Variants in KCND2 observed in about 807,000 individuals in gnomAD.
KCND2 encodes the protein potassium voltage-gated channel subfamily D member 2.
Under a neutral mutation model 54.4 loss-of-function variants are expected in KCND2, and 16 were observed. The observed-to-expected ratio is 0.29, with a 90% CI of 0.20 to 0.45. KCND2 has a LOEUF of 0.45. Among genes scored for constraint, KCND2 ranks in the 20% least tolerant of loss-of-function variants. The pLI is 1.00. For synonymous variants in KCND2, 317 were observed against 310.7 expected (o/e 1.02, Z -0.21); for missense variants, 486 against 824.2 (o/e 0.59, Z 5.02).
chr7:120,613,462 C>T (rs983615737), intron 1 of KCND2, among the ~76,000 whole-genome samples: 6 of 152,054 alleles, frequency 3.9e-5, no homozygotes, highest in South Asian at 2.1e-4. Context: ...ACCCAAGAGG[C>T]GGGGGTTGCT....
At chr7:120,526,843 G>A (rs1038751050) in intron 1 of KCND2, among the ~76,000 whole-genome samples, 1 of 151,734 alleles carries the variant, frequency 6.6e-6, no homozygotes, top group Non-Finnish European at 1.5e-5. Context: ...TATTTCTATT[G>A]ACATGTCATT....
chr7:120,497,676 G>T (rs1298972824), intron 1 of KCND2, among the ~76,000 whole-genome samples: 1 of 152,176 alleles, frequency 6.6e-6, no homozygotes, highest in African/African-American at 2.4e-5. Flanking sequence ...TGTCCGTTCA[G>T]CAGGATAGAG....
At chr7:120,448,380 T>C (rs1802050213) in intron 1 of KCND2, among the ~76,000 whole-genome samples, 1 of 152,204 alleles carries the variant, frequency 6.6e-6, no homozygotes, top group African/African-American at 2.4e-5. Context: ...TATGGCTGCA[T>C]AGTATCCCAT....
At chr7:120,703,369 T>C (rs1792427003) in intron 1 of KCND2, among the ~76,000 whole-genome samples, 1 of 152,190 alleles carries the variant, frequency 6.6e-6, no homozygotes, top group Non-Finnish European at 1.5e-5. Flanking sequence ...CTCCAGATGG[T>C]GATTTTCAGG....
intron 1 of KCND2, among the ~76,000 whole-genome samples, chr7:120,511,129 C>T (rs1178767997): frequency 2.6e-5 from 4 of 151,784 alleles, no homozygotes; most frequent in Admixed American, 2.6e-4. Flanking sequence ...GTCATGAACA[C>T]TACAAGTTTG....
chr7:120,568,325 T>G (rs1228733387), intron 1 of KCND2, among the ~76,000 whole-genome samples: 2 of 152,204 alleles, frequency 1.3e-5, no homozygotes, highest in Non-Finnish European at 2.9e-5. Context: ...CTAATGAAAC[T>G]TACCAGATTC....
chr7:120,727,993 G>A (rs1311536759), intron 1 of KCND2, among the ~76,000 whole-genome samples: 2 of 151,628 alleles, frequency 1.3e-5, no homozygotes, highest in Admixed American at 6.6e-5. Context: ...AATTAGCTGG[G>A]TGTGGTGGCA....
Position 120,432,096 on chromosome 7 carries a change from C to T in KCND2, c.1115+156349C>T, listed in dbSNP as rs74612359. Among the ~76,000 whole-genome samples, 11 of 152,248 alleles carry T rather than the reference C, an allele frequency of 7.2e-5. No homozygotes were observed. The East Asian group carries it at 2.1e-3, about 29-fold the overall frequency. On this transcript the variant is annotated intron_variant, in intron 1 of 5. Coordinates refer to ENST00000331113, the MANE Select transcript of KCND2 (RefSeq NM_012281.3). ...ACATGAATATTTTCACCGTGACAAA[C>T]CTTCAAATATTTGAATATTGTCATT...
chr7:120,382,204 C>CA (rs1800925637), intron 1 of KCND2, among the ~76,000 whole-genome samples: 1 of 151,794 alleles, frequency 6.6e-6, no homozygotes, highest in Non-Finnish European at 1.5e-5. Flanking sequence ...CAATACTCTT[C>CA]AACTCTCCCC....
intron 1 of KCND2, among the ~76,000 whole-genome samples, chr7:120,472,055 A>T (rs1214312467): frequency 1.3e-5 from 2 of 151,944 alleles, no homozygotes; most frequent in African/African-American, 4.8e-5. Context: ...ATTCTGGAAG[A>T]TGAAGTCATT....
chr7:120,724,808 C>T (rs185506524), intron 1 of KCND2, among the ~76,000 whole-genome samples: 2 of 152,158 alleles, frequency 1.3e-5, no homozygotes, highest in East Asian at 3.9e-4. Flanking sequence ...GTGTACCTCT[C>T]AGTAATCAGT....
chr7:120,310,490 T>G (rs1225249672), intron 1 of KCND2, among the ~76,000 whole-genome samples: 1 of 152,202 alleles, frequency 6.6e-6, no homozygotes, highest in Non-Finnish European at 1.5e-5. Flanking sequence ...TATATAAATG[T>G]CTGGCTCACA....
rs372772729 is a variant in KCND2, at chr7:120,401,186, A to G, written c.1115+125439A>G. Reference sequence around the variant, plus strand: ...CTGAGAGAAAAGCAGGGAGCAAAAAATCTAGGACAGATAGCACGGTAGCAT... The same window carrying G: ...CTGAGAGAAAAGCAGGGAGCAAAAAGTCTAGGACAGATAGCACGGTAGCAT... On this transcript the variant is annotated intron_variant, in intron 1 of 5. Coordinates refer to ENST00000331113, the MANE Select transcript of KCND2 (RefSeq NM_012281.3). 1.6e-4 allele frequency among the ~76,000 whole-genome samples: 25 copies of G among 152,272 alleles called. No individual in the cohort carries two copies. In the South Asian group the frequency reaches 5.2e-3, roughly 32 times the overall value.
intron 1 of KCND2, among the ~76,000 whole-genome samples, chr7:120,453,989 C>A (rs2116223928): frequency 6.6e-6 from 1 of 152,270 alleles, no homozygotes; most frequent in East Asian, 1.9e-4. Context: ...GAGGCTGAGG[C>A]AGGAGAATGG....
At chr7:120,635,292 C>A (rs1211827727) in intron 1 of KCND2, among the ~76,000 whole-genome samples, 2 of 152,176 alleles carry the variant, frequency 1.3e-5, no homozygotes, top group African/African-American at 4.8e-5. Context: ...CAATACTAAG[C>A]ATTCAGTTGT....
chr7:120,707,141 C>T (rs1013231142), intron 1 of KCND2, among the ~76,000 whole-genome samples: 1 of 152,114 alleles, frequency 6.6e-6, no homozygotes, highest in Non-Finnish European at 1.5e-5. Context: ...TTTGGTTTAA[C>T]ATCAATTAGA....
chr7:120,678,586 T>TAC (rs1359979644), intron 1 of KCND2, among the ~76,000 whole-genome samples: 15 of 147,628 alleles, frequency 1.0e-4, no homozygotes, highest in African/African-American at 3.7e-4. Flanking sequence ...TACAGTTCAT[T>TAC]ACACACATAT....
At chr7:120,397,989 G>GTA (rs1478344765) in intron 1 of KCND2, among the ~76,000 whole-genome samples, 268 of 39,966 alleles carry the variant, frequency 6.7e-3, no homozygotes, top group South Asian at 0.017. Flanking sequence ...GTGTGTGTGT[G>GTA]TGTGTGTATA....
intron 1 of KCND2, among the ~76,000 whole-genome samples, chr7:120,513,271 G>A (rs1803147263): frequency 6.6e-6 from 1 of 152,098 alleles, no homozygotes; most frequent in Non-Finnish European, 1.5e-5. Flanking sequence ...TTTCAGACAT[G>A]TACATTTGGA....
Sources: gnomAD v4.1 joint callset for allele counts (sites outside exome capture counted in the v4.1 genomes callset) on GRCh38, gnomAD v4.1.1 for gene constraint, MANE v1.5 for transcripts, NCBI Gene and HGNC (gene_info 2026-07-23, HGNC 2026-07-21) for gene names.